Variants in BMAL2 observed in about 807,000 individuals in gnomAD.
The protein encoded by BMAL2 is basic helix-loop-helix ARNT-like protein 2.
chr12:27,400,712 G>A, the BMAL2 span: 1 of 1,613,236 alleles, frequency 6.2e-7, no homozygotes, highest in South Asian at 1.1e-5. Context: ...AGATTAATGT[G>A]AAACCAACTG....
the BMAL2 span, among the ~76,000 whole-genome samples, chr12:27,366,453 T>C: frequency 1.1e-4 from 16 of 152,346 alleles, no homozygotes; most frequent in African/African-American, 2.2e-4. Flanking sequence ...CTTGTAAATA[T>C]TGTTATATAT....
the BMAL2 span, among the ~76,000 whole-genome samples, chr12:27,396,882 T>C: frequency 6.8e-6 from 1 of 147,426 alleles, no homozygotes; most frequent in Admixed American, 6.6e-5. Context: ...ATAAGGTTAC[T>C]GCAGAATATA....
chr12:27,387,199 A>T, the BMAL2 span: 1 of 1,477,748 alleles, frequency 6.8e-7, no homozygotes, highest in South Asian at 1.1e-5. Context: ...ACAATATTTT[A>T]AAATATTCAC....
chr12:27,373,312 T>C, the BMAL2 span, among the ~76,000 whole-genome samples: 1 of 152,088 alleles, frequency 6.6e-6, no homozygotes, highest in Admixed American at 6.6e-5. Flanking sequence ...TGGAGGGTGG[T>C]ATTTTCATTC....
At chr12:27,400,848 A>G in the BMAL2 span, 2 of 1,329,712 alleles carry the variant, frequency 1.5e-6, no homozygotes, top group Non-Finnish European at 2.0e-6. Context: ...TCTTAGTAGC[A>G]CTGCTAGTTT....
At chr12:27,389,796 T>G in the BMAL2 span, 1 of 238,496 alleles carries the variant, frequency 4.2e-6, no homozygotes, top group African/African-American at 2.3e-5. Context: ...TAGTTAAGGT[T>G]TTTTTCATTT....
the BMAL2 span, among the ~76,000 whole-genome samples, chr12:27,406,080 A>G: frequency 6.6e-6 from 1 of 152,226 alleles, no homozygotes; most frequent in African/African-American, 2.4e-5. Flanking sequence ...CCTCCAAGAA[A>G]TATGGGACTA....
At chr12:27,384,493 C>T in the BMAL2 span, among the ~76,000 whole-genome samples, 1 of 151,976 alleles carries the variant, frequency 6.6e-6, no homozygotes, top group Non-Finnish European at 1.5e-5. Context: ...TTCCAGAATA[C>T]CCCCATTCAA....
At chr12:27,425,180 ATTGGT>A in the BMAL2 span, 1 of 151,714 alleles carries the variant, frequency 6.6e-6, no homozygotes, top group Non-Finnish European at 1.5e-5. Flanking sequence ...TCGTCTGTAT[ATTGGT>A]ATTTTTAAAT....
At chr12:27,370,556 C>T in the BMAL2 span, among the ~76,000 whole-genome samples, 1 of 152,042 alleles carries the variant, frequency 6.6e-6, no homozygotes, top group Non-Finnish European at 1.5e-5. Flanking sequence ...GAATGTCCAC[C>T]CTTTCTGTGG....
At chr12:27,360,937 G>A in the BMAL2 span, among the ~76,000 whole-genome samples, 23 of 151,350 alleles carry the variant, frequency 1.5e-4, no homozygotes, top group East Asian at 4.1e-3. Flanking sequence ...TAATTTAAAC[G>A]TTTACACAGA....
At chr12:27,333,480 G>T in the BMAL2 span, among the ~76,000 whole-genome samples, 1 of 152,260 alleles carries the variant, frequency 6.6e-6, no homozygotes, top group African/African-American at 2.4e-5. Context: ...GTCGGCGTCG[G>T]CATGGCATGC....
At chr12:27,339,205 T>G in the BMAL2 span, among the ~76,000 whole-genome samples, 1 of 152,256 alleles carries the variant, frequency 6.6e-6, no homozygotes, top group Admixed American at 6.5e-5. Context: ...AGTGAGAACA[T>G]GTGGTATTTG....
At chr12:27,345,064 T>G in the BMAL2 span, among the ~76,000 whole-genome samples, 2 of 152,214 alleles carry the variant, frequency 1.3e-5, no homozygotes, top group African/African-American at 4.8e-5. Flanking sequence ...TCAAACTCTT[T>G]TAATTCATCC....
chr12:27,358,970 T>C, the BMAL2 span, among the ~76,000 whole-genome samples: 2 of 140,524 alleles, frequency 1.4e-5, no homozygotes, highest in Admixed American at 6.7e-5. Context: ...CTATCCATCA[T>C]GTGACTAAGG....
At chr12:27,370,222 T>C in the BMAL2 span, 2 of 1,612,300 alleles carry the variant, frequency 1.2e-6, no homozygotes, top group Non-Finnish European at 1.7e-6. Flanking sequence ...CAGCCTCCAG[T>C]GGCAGCAGGT....
At chr12:27,348,003 C>T in the BMAL2 span, among the ~76,000 whole-genome samples, 1 of 152,204 alleles carries the variant, frequency 6.6e-6, no homozygotes, top group African/African-American at 2.4e-5. Flanking sequence ...TCCCCTGTGG[C>T]TCATTTTAAA....
chr12:27,414,018 G>A, the BMAL2 span, among the ~76,000 whole-genome samples: 4 of 151,802 alleles, frequency 2.6e-5, no homozygotes, highest in African/African-American at 9.7e-5. Context: ...ACTCCAGCAT[G>A]GGCAACAGCA....
At chr12:27,389,857 A>G in the BMAL2 span, 58 of 354,326 alleles carry the variant, frequency 1.6e-4, no homozygotes, top group East Asian at 2.6e-3. Flanking sequence ...GTTCTTCCCC[A>G]TTTGAGGAAA....
Sources: allele counts gnomAD v4.1 joint callset (sites outside exome capture counted in the v4.1 genomes callset), GRCh38; gene constraint gnomAD v4.1.1; transcripts MANE v1.5; gene names NCBI Gene and HGNC (gene_info 2026-07-23, HGNC 2026-07-21).